The following ARFGAP3 variants were observed in gnomAD, a reference collection of about 807,000 sequenced individuals.
ARFGAP3 encodes ADP-ribosylation factor GTPase-activating protein 3.
In ARFGAP3, 72 loss-of-function variants were observed where a neutral mutation model predicts 75.0. That is an observed-to-expected ratio of 0.96 (90% CI 0.79 to 1.17). ARFGAP3 has a LOEUF of 1.17. Among genes scored for constraint, ARFGAP3 ranks in the 50% most tolerant of loss-of-function variants. ARFGAP3 has a pLI of 0.00. For synonymous variants in ARFGAP3, 221 were observed against 217.9 expected (o/e 1.01, Z -0.13); for missense variants, 620 against 626.6 (o/e 0.99, Z 0.11).
intron 2 of ARFGAP3, among the ~76,000 whole-genome samples, chr22:42,842,594 G>A (rs544063844): frequency 6.6e-6 from 1 of 151,840 alleles, no homozygotes; most frequent in South Asian, 2.1e-4. Flanking sequence ...GATTAGAGGC[G>A]TGCGGAACCA....
intron 2 of ARFGAP3, among the ~76,000 whole-genome samples, chr22:42,842,562 C>T (rs1187435764): frequency 4.0e-5 from 6 of 151,792 alleles, no homozygotes; most frequent in African/African-American, 1.5e-4. Flanking sequence ...ATTCTTGTGC[C>T]CCAGCCTCCA....
At chr22:42,841,076 G>A in intron 2 of ARFGAP3, 60 bp from the exon 3 acceptor site, 3 of 1,570,188 alleles carry the variant, frequency 1.9e-6, no homozygotes, top group Non-Finnish European at 2.6e-6. Context: ...CAAAATCAGT[G>A]AGCTTTTGAG....
At chr22:42,850,531 C>A (rs1399087475) in intron 1 of ARFGAP3, among the ~76,000 whole-genome samples, 1 of 140,256 alleles carries the variant, frequency 7.1e-6, no homozygotes, top group East Asian at 2.0e-4. Context: ...GGAGACCACT[C>A]CACTGCACTC....
At chr22:42,816,209 C>T (rs144283965) in intron 11 of ARFGAP3, among the ~76,000 whole-genome samples, 276 of 152,304 alleles carry the variant, frequency 1.8e-3, no homozygotes, top group Non-Finnish European at 2.9e-3. Context: ...TAGTAAGAGC[C>T]AAGCACCATT....
rs151060842 is a variant in ARFGAP3, at chr22:42,802,335, G to C, written c.1412-3175C>G. 5.9e-5 allele frequency among the ~76,000 whole-genome samples: 9 copies of C among 152,046 alleles called. No homozygotes were observed. The East Asian group carries it at 1.7e-3, about 29-fold the overall frequency. Reference sequence around the variant, plus strand: ...GAGTCTCGCTGTGTCACCCAGACTGGAGTGTAGTGGCGCGATCTTAGCTCA... The same window carrying C: ...GAGTCTCGCTGTGTCACCCAGACTGCAGTGTAGTGGCGCGATCTTAGCTCA... On this transcript the variant is annotated intron_variant, in intron 14 of 15. Transcript: ENST00000263245.
intron 1 of ARFGAP3, among the ~76,000 whole-genome samples, chr22:42,849,724 A>G (rs1459078855): frequency 1.4e-5 from 2 of 146,018 alleles, no homozygotes; most frequent in African/African-American, 5.0e-5. Context: ...CCGTGCCCAG[A>G]TTTTTTTTTT....
chr22:42,824,515 C>T (rs952676656), intron 7 of ARFGAP3, among the ~76,000 whole-genome samples: 18 of 149,342 alleles, frequency 1.2e-4, no homozygotes, highest in African/African-American at 4.5e-4. Context: ...TGCCACCATG[C>T]CTGGTTTTCT....
intron 14 of ARFGAP3, among the ~76,000 whole-genome samples, chr22:42,805,886 T>C (rs1925097216): frequency 6.6e-6 from 1 of 152,212 alleles, no homozygotes; most frequent in Admixed American, 6.5e-5. Flanking sequence ...TTGTCTCACT[T>C]GCTGCCACCT....
chr22:42,808,598 A>G (rs1375593630), intron 13 of ARFGAP3, among the ~76,000 whole-genome samples, 169 bp downstream of exon 13: 1 of 152,202 alleles, frequency 6.6e-6, no homozygotes, highest in Non-Finnish European at 1.5e-5. Context: ...TAGCAAGCAC[A>G]TGATCAGTTA....
intron 13 of ARFGAP3, among the ~76,000 whole-genome samples, chr22:42,808,174 G>GA (rs1925208985): frequency 6.6e-6 from 1 of 151,876 alleles, no homozygotes; most frequent in African/African-American, 2.4e-5. Flanking sequence ...GAGGCAGCCA[G>GA]ATCACCTGAG....
chr22:42,837,323 A>T (rs1262629213), intron 3 of ARFGAP3, among the ~76,000 whole-genome samples: 1 of 152,100 alleles, frequency 6.6e-6, no homozygotes, highest in Non-Finnish European at 1.5e-5. Context: ...TCAATAAAAA[A>T]TTAATAAGAA....
At chr22:42,812,942 G>C (rs757388419) in intron 11 of ARFGAP3, among the ~76,000 whole-genome samples, 5 of 152,242 alleles carry the variant, frequency 3.3e-5, no homozygotes, top group Admixed American at 6.5e-5. Flanking sequence ...GAGGAAGAGA[G>C]ATGACCGATC....
intron 6 of ARFGAP3, among the ~76,000 whole-genome samples, chr22:42,831,092 G>A (rs900830768): frequency 5.9e-5 from 9 of 152,158 alleles, no homozygotes; most frequent in African/African-American, 2.2e-4. Flanking sequence ...CTGAGGTCAG[G>A]AGTTCGAGAT....
intron 12 of ARFGAP3, among the ~76,000 whole-genome samples, chr22:42,810,603 G>C (rs1455947109): frequency 6.6e-6 from 1 of 152,230 alleles, no homozygotes; most frequent in African/African-American, 2.4e-5. Flanking sequence ...GACCAGGCTA[G>C]AGTACACTGG....
intron 6 of ARFGAP3, among the ~76,000 whole-genome samples, chr22:42,827,528 G>T (rs182577022): frequency 6.6e-6 from 1 of 152,044 alleles, no homozygotes; most frequent in African/African-American, 2.4e-5. Context: ...CACCATGCCC[G>T]GCTAATTTTG....
chr22:42,844,564 GAT>G (rs200952257), intron 2 of ARFGAP3, among the ~76,000 whole-genome samples: 1,539 of 146,672 alleles, frequency 0.01, 27 homozygotes, highest in African/African-American at 0.037. Context: ...CAGCCGAGGG[GAT>G]AGAGTGAGAC....
intron 11 of ARFGAP3, among the ~76,000 whole-genome samples, chr22:42,815,345 G>C (rs1925529665): frequency 1.3e-5 from 2 of 151,394 alleles, no homozygotes; most frequent in Admixed American, 1.3e-4. Context: ...GGCTGCAAAG[G>C]ATAGGCAAAA....
At chr22:42,815,501 A>G (rs551673277) in intron 11 of ARFGAP3, among the ~76,000 whole-genome samples, 1 of 152,148 alleles carries the variant, frequency 6.6e-6, no homozygotes, top group South Asian at 2.1e-4. Flanking sequence ...TTCTTTATAC[A>G]ATTCCTTGTC....
intron 8 of ARFGAP3, 129 bp from the exon 9 acceptor site, chr22:42,822,538 GT>G: frequency 4.4e-6 from 5 of 1,143,892 alleles, no homozygotes; most frequent in Non-Finnish European, 4.9e-6. Context: ...CTGTGGCTTA[GT>G]CCTCAGAACT....
Sources: allele counts gnomAD v4.1 joint callset (sites outside exome capture counted in the v4.1 genomes callset), GRCh38; gene constraint gnomAD v4.1.1; transcripts MANE v1.5; gene names NCBI Gene and HGNC (gene_info 2026-07-23, HGNC 2026-07-21).